DCC: variants seen among roughly 807,000 people sequenced by gnomAD.
DCC encodes DCC netrin 1 receptor.
In DCC, 58 loss-of-function variants were observed where a neutral mutation model predicts 172.5. That is an observed-to-expected ratio of 0.34 (90% CI 0.27 to 0.42). The LOEUF is 0.42. Ranked by LOEUF, DCC falls within the 10% of genes least tolerant of loss-of-function variation. The probability of loss-of-function intolerance (pLI) is 1.00; values close to 1 mark genes in which losing one functional copy is unlikely to be tolerated. For missense variants in DCC, 1,740 were observed against 1,791.0 expected (o/e 0.97, Z 0.51); for synonymous variants, 709 against 644.5 (o/e 1.10, Z -1.52).
intron 1 of DCC, among the ~76,000 whole-genome samples, chr18:52,603,902 T>C (rs1206929843): frequency 6.6e-6 from 1 of 152,102 alleles, no homozygotes; most frequent in Non-Finnish European, 1.5e-5. Context: ...GTATGTTTAC[T>C]AAGAAATTTA....
At chr18:53,311,129 TA>T (rs140267321) in intron 13 of DCC, among the ~76,000 whole-genome samples, 21,196 of 74,530 alleles carry the variant, frequency 0.28, 2,154 homozygotes, top group African/African-American at 0.42. Flanking sequence ...TTTATTTATT[TA>T]TTTTTTTTGA....
Position 52,941,042 on chromosome 18 carries a change from A to C in DCC, c.985+15672A>C, listed in dbSNP as rs2040453424. Reference sequence around the variant, plus strand: ...AGACCAGATGAGAAATTTTCAGCACAGAAAAATGATGGGTGAAAAGGGACA... The same window carrying C: ...AGACCAGATGAGAAATTTTCAGCACCGAAAAATGATGGGTGAAAAGGGACA... On this transcript the variant is annotated intron_variant, in intron 5 of 28. Transcript: ENST00000442544. 2.0e-5 allele frequency: 3 copies of C among 152,220 alleles called. No homozygotes were observed. In the South Asian group the frequency reaches 6.2e-4, roughly 32 times the overall value. The allele number at this position is 152,220 out of a possible 1,614,324, so 9.4% of individuals were successfully genotyped here.
intron 1 of DCC, among the ~76,000 whole-genome samples, chr18:52,615,895 A>G (rs2034371603): frequency 6.6e-6 from 1 of 152,192 alleles, no homozygotes; most frequent in African/African-American, 2.4e-5. Flanking sequence ...CAATGTGTAT[A>G]CATTTATATG....
At chr18:53,345,853 A>G (rs1360541278) in intron 15 of DCC, among the ~76,000 whole-genome samples, 1 of 151,722 alleles carries the variant, frequency 6.6e-6, no homozygotes, top group Non-Finnish European at 1.5e-5. Context: ...AGAGTTTTAG[A>G]CCATTGCAAT....
chr18:52,713,844 G>A (rs1326921527), intron 1 of DCC, among the ~76,000 whole-genome samples: 1 of 152,128 alleles, frequency 6.6e-6, no homozygotes, highest in Non-Finnish European at 1.5e-5. Context: ...TGCCGGCCAG[G>A]TGTGCATAAT....
intron 8 of DCC, among the ~76,000 whole-genome samples, chr18:53,172,681 C>T (rs1239740221): frequency 1.3e-5 from 2 of 152,030 alleles, no homozygotes; most frequent in Admixed American, 6.6e-5. Flanking sequence ...AGAAAAGATG[C>T]TTTGAAATGA....
intron 12 of DCC, among the ~76,000 whole-genome samples, chr18:53,288,268 A>G (rs531421470): frequency 6.6e-6 from 1 of 152,228 alleles, no homozygotes; most frequent in South Asian, 2.1e-4. Context: ...AATATTTATT[A>G]AAGCAGATTA....
At chr18:53,067,604 G>A (rs1166931756) in intron 7 of DCC, among the ~76,000 whole-genome samples, 1 of 152,104 alleles carries the variant, frequency 6.6e-6, no homozygotes, top group Non-Finnish European at 1.5e-5. Context: ...AATTTCTTGG[G>A]AGGAGAGACA....
At chr18:52,575,552 T>C (rs1424729575) in intron 1 of DCC, among the ~76,000 whole-genome samples, 2 of 152,218 alleles carry the variant, frequency 1.3e-5, no homozygotes, top group Non-Finnish European at 2.9e-5. Context: ...TGGAAGTCAC[T>C]AAACATGATT....
chr18:53,231,032 C>G (rs1287797390), intron 12 of DCC, among the ~76,000 whole-genome samples: 1 of 150,980 alleles, frequency 6.6e-6, no homozygotes, highest in Non-Finnish European at 1.5e-5. Context: ...TAGTTTTGAT[C>G]TTAGAATTGA....
chr18:52,841,318 T>C (rs1422177106), intron 2 of DCC, among the ~76,000 whole-genome samples: 1 of 152,074 alleles, frequency 6.6e-6, no homozygotes, highest in Non-Finnish European at 1.5e-5. Flanking sequence ...CTAATGCATG[T>C]AGAGTGCATT....
chr18:52,842,475 A>G (rs1054056078), intron 2 of DCC, among the ~76,000 whole-genome samples: 29 of 152,264 alleles, frequency 1.9e-4, no homozygotes, highest in South Asian at 1.0e-3. Context: ...TGTTCTATTA[A>G]GGCCCTTAAT....
chr18:52,510,895 C>CTGAGATCCCTGAG (rs1437812467), intron 1 of DCC, among the ~76,000 whole-genome samples: 1 of 151,990 alleles, frequency 6.6e-6, no homozygotes, highest in Non-Finnish European at 1.5e-5. Context: ...GTTATCATTA[C>CTGAGATCCCTGAG]AGTGTCCTGA....
chr18:52,488,198 T>C (rs983997160), intron 1 of DCC, among the ~76,000 whole-genome samples: 1 of 152,206 alleles, frequency 6.6e-6, no homozygotes, highest in Non-Finnish European at 1.5e-5. Flanking sequence ...TTCCTCATTT[T>C]TTGCAGACTC....
intron 1 of DCC, among the ~76,000 whole-genome samples, chr18:52,671,696 C>T (rs1246986016): frequency 2.0e-5 from 3 of 151,802 alleles, no homozygotes; most frequent in Non-Finnish European, 4.4e-5. Flanking sequence ...TGTGTCACTA[C>T]GCCTGGCTAA....
rs935209042 is a variant in DCC, at chr18:52,936,491, A to G, written c.985+11121A>G. 4.9e-5 allele frequency among the ~76,000 whole-genome samples: 6 copies of G among 121,862 alleles called. 1 individual carries two copies. The highest frequency in any genetic ancestry group is 1.4e-4 in the African/African-American group (5 of 35,074). The allele number at this position is 121,862 out of a possible 152,430, so 79.9% of individuals were successfully genotyped here. ...TTCCACTGGAGAAAATAATGTGAGC[A>G]TTGCTTTGCATATATTATTGAGATG... On this transcript the variant is annotated intron_variant, in intron 5 of 28. Coordinates refer to ENST00000442544, the MANE Select transcript of DCC (RefSeq NM_005215.4).
chr18:52,488,683 C>G (rs977800383), intron 1 of DCC, among the ~76,000 whole-genome samples: 2 of 152,030 alleles, frequency 1.3e-5, no homozygotes, highest in African/African-American at 4.8e-5. Flanking sequence ...CCATAGACAC[C>G]AAGACTTGAT....
intron 2 of DCC, among the ~76,000 whole-genome samples, chr18:52,885,595 T>C (rs2039557268): frequency 2.0e-5 from 3 of 152,144 alleles, no homozygotes; most frequent in Non-Finnish European, 4.4e-5. Flanking sequence ...AGACATGCTA[T>C]CCAAGATTAT....
At chr18:53,190,088 G>A (rs1028523360) in intron 9 of DCC, among the ~76,000 whole-genome samples, 9 of 152,022 alleles carry the variant, frequency 5.9e-5, no homozygotes, top group African/African-American at 1.5e-4. Context: ...CACCACGCCC[G>A]GCTAATTTTG....
Sources: gnomAD v4.1 joint callset for allele counts (sites outside exome capture counted in the v4.1 genomes callset) on GRCh38, gnomAD v4.1.1 for gene constraint, MANE v1.5 for transcripts, NCBI Gene and HGNC (gene_info 2026-07-23, HGNC 2026-07-21) for gene names.